The following WDR20 variants were observed in gnomAD, a reference collection of about 807,000 sequenced individuals.
WDR20 encodes WD repeat-containing protein 20.
Under a neutral mutation model 38.7 loss-of-function variants are expected in WDR20, and 3 were observed. The observed-to-expected ratio is 0.08, with a 90% CI of 0.04 to 0.20. The LOEUF (loss-of-function observed/expected upper bound fraction) is 0.20. Ranked by LOEUF, WDR20 falls within the 10% of genes least tolerant of loss-of-function variation. The pLI, the probability that WDR20 is intolerant of heterozygous loss-of-function variation, is 1.00. For missense variants in WDR20, 559 were observed against 727.7 expected, an observed-to-expected ratio of 0.77 and a Z score of 2.67; for synonymous variants, 298 against 285.6, an observed-to-expected ratio of 1.04 and a Z score of -0.44.
intron 1 of WDR20, among the ~76,000 whole-genome samples, chr14:102,147,632 G>C (rs879330814): frequency 6.6e-6 from 1 of 152,198 alleles, no homozygotes; most frequent in Admixed American, 6.5e-5. Flanking sequence ...AAAGTGCTTT[G>C]ATGGCAAACT....
chr14:102,194,758 G>A (rs2059134334), intron 1 of WDR20, among the ~76,000 whole-genome samples, 180 bp from the exon 2 acceptor site: 1 of 152,174 alleles, frequency 6.6e-6, no homozygotes, highest in Non-Finnish European at 1.5e-5. Context: ...TATCTAATTG[G>A]CTAAGGTATG....
chr14:102,200,467 T>TTTTGTGTGTG (rs748066838), intron 2 of WDR20, among the ~76,000 whole-genome samples: 26 of 117,672 alleles, frequency 2.2e-4, no homozygotes, highest in African/African-American at 5.0e-4. Context: ...ATTTTTTTTT[T>TTTTGTGTGTG]TGTGTGTGTG....
chr14:102,199,180 A>T (rs572999664), intron 2 of WDR20, among the ~76,000 whole-genome samples: 2 of 151,878 alleles, frequency 1.3e-5, no homozygotes, highest in African/African-American at 4.8e-5. Flanking sequence ...GGGCTCGGAC[A>T]CCAGCTCTGC....
At chr14:102,194,875 A>G (rs2059158483) in intron 1 of WDR20, 63 bp from the exon 2 acceptor site, 5 of 1,509,426 alleles carry the variant, frequency 3.3e-6, no homozygotes, top group Middle Eastern at 3.5e-4. Context: ...ATAAAGTAGC[A>G]TAACTTAGAT....
At chr14:102,172,684 C>CA in intron 1 of WDR20, among the ~76,000 whole-genome samples, 1 of 142,116 alleles carries the variant, frequency 7.0e-6, no homozygotes, top group Non-Finnish European at 1.5e-5. Flanking sequence ...ACCTCCCTCC[C>CA]GGACGGGGCG....
At chr14:102,170,961 A>G (rs1016666883) in intron 1 of WDR20, among the ~76,000 whole-genome samples, 2 of 150,416 alleles carry the variant, frequency 1.3e-5, no homozygotes, top group African/African-American at 4.9e-5. Context: ...TTTTGTTTTA[A>G]TAATTATTAT....
At chr14:102,181,023 A>G (rs1384926949) in intron 1 of WDR20, among the ~76,000 whole-genome samples, 1 of 152,240 alleles carries the variant, frequency 6.6e-6, no homozygotes, top group Non-Finnish European at 1.5e-5. Context: ...TTAGTTCATC[A>G]GGACACATTC....
intron 1 of WDR20, among the ~76,000 whole-genome samples, chr14:102,147,608 A>G (rs1263244297): frequency 6.6e-6 from 1 of 152,262 alleles, no homozygotes; most frequent in Non-Finnish European, 1.5e-5. Flanking sequence ...GACTTAATAT[A>G]GTGACTTAAG....
chr14:102,168,784 A>G (rs2060260817), intron 1 of WDR20, among the ~76,000 whole-genome samples: 1 of 152,078 alleles, frequency 6.6e-6, no homozygotes. Flanking sequence ...CTGCCTCTAA[A>G]TATATCCAGA....
intron 1 of WDR20, among the ~76,000 whole-genome samples, chr14:102,142,884 G>C (rs1167498299): frequency 6.9e-6 from 1 of 144,450 alleles, no homozygotes; most frequent in Non-Finnish European, 1.5e-5. Context: ...ACTTAAGTCT[G>C]TGTGTAAAAT....
At chr14:102,164,412 T>C (rs1191454034) in intron 1 of WDR20, among the ~76,000 whole-genome samples, 1 of 152,198 alleles carries the variant, frequency 6.6e-6, no homozygotes, top group Admixed American at 6.5e-5. Flanking sequence ...TAATCTCCTC[T>C]AGTCCACCTC....
intron 1 of WDR20, among the ~76,000 whole-genome samples, chr14:102,194,048 C>T (rs2058996186): frequency 1.3e-5 from 2 of 152,236 alleles, no homozygotes; most frequent in Non-Finnish European, 2.9e-5. Context: ...TTGACTCTCT[C>T]TCCCCATCCC....
intron 1 of WDR20, among the ~76,000 whole-genome samples, chr14:102,172,607 C>A (rs1392769238): frequency 7.0e-6 from 1 of 143,618 alleles, no homozygotes; most frequent in African/African-American, 2.6e-5. Context: ...CCAGTAGGGG[C>A]GGCCTGGCAG....
At chr14:102,210,540 A>T (rs2062345423), downstream of WDR20, 1 of 985,318 alleles carries the variant, frequency 1.0e-6, no homozygotes, top group African/African-American at 1.7e-5. Flanking sequence ...AGTTTGTAGC[A>T]CTTTGATTGA....
intron 1 of WDR20, among the ~76,000 whole-genome samples, chr14:102,182,938 C>T (rs999251377): frequency 6.6e-5 from 10 of 151,684 alleles, no homozygotes; most frequent in Non-Finnish European, 1.5e-4. Context: ...GTGGTACATA[C>T]CTGTAATCTC....
At chr14:102,182,981 A>T (rs531209654) in intron 1 of WDR20, among the ~76,000 whole-genome samples, 8 of 152,036 alleles carry the variant, frequency 5.3e-5, no homozygotes, top group Non-Finnish European at 1.2e-4. Context: ...GGGTAATCAC[A>T]TGAACCCAGG....
chr14:102,163,363 C>T (rs762562319), intron 1 of WDR20, among the ~76,000 whole-genome samples: 9 of 152,092 alleles, frequency 5.9e-5, no homozygotes, highest in Non-Finnish European at 1.0e-4. Flanking sequence ...TGCAGTGGCT[C>T]ACGCCTGTAA....
rs978697344 is a variant in WDR20, at chr14:102,220,067, C to T, written c.1693-2763C>T. Among the ~76,000 whole-genome samples the T allele has an allele frequency of 1.1e-4, 16 of 152,238 alleles. No homozygotes were observed. The highest frequency in any genetic ancestry group is 2.6e-4 in the Admixed American group (4 of 15,286). On this transcript the variant is annotated intron_variant, in intron 3 of 3. Coordinates refer to the WDR20 transcript ENST00000335263. This position sits in a 1 kb window ranked among gnomAD's most constrained non-coding sequence, Gnocchi z 4.2. ...AGCCTGCAGCCCTCGCGTTGGGTCG[C>T]TTTCTAGGGGTGCGGCTTTGTAGGG... is the stretch of plus-strand genomic sequence containing the variant.
intron 1 of WDR20, among the ~76,000 whole-genome samples, chr14:102,180,135 A>T (rs1019884917): frequency 3.3e-5 from 5 of 152,216 alleles, no homozygotes; most frequent in Admixed American, 2.0e-4. Context: ...ACATAGCAAG[A>T]CTGTCTCAAA....
Sources: allele counts gnomAD v4.1 joint callset (sites outside exome capture counted in the v4.1 genomes callset), GRCh38; gene constraint gnomAD v4.1.1; non-coding constraint Gnocchi (gnomAD v3.1); transcripts MANE v1.5; gene names NCBI Gene and HGNC (gene_info 2026-07-23, HGNC 2026-07-21).